The following MTUS1 variants were observed in gnomAD, a reference collection of about 807,000 sequenced individuals.
MTUS1 encodes the protein microtubule associated scaffold protein 1, also known as microtubule-associated tumor suppressor 1.
A neutral mutation model predicts 120.8 loss-of-function variants in MTUS1; 109 were observed. That is an observed-to-expected ratio of 0.90 (90% CI 0.77 to 1.06). The LOEUF is 1.06. Among genes scored for constraint, MTUS1 ranks in the 50% least tolerant of loss-of-function variants. MTUS1 has a pLI of 0.00. For missense variants in MTUS1, 2,210 were observed against 1,486.3 expected, an observed-to-expected ratio of 1.49 and a Z score of -8.01; for synonymous variants, 737 against 550.5, an observed-to-expected ratio of 1.34 and a Z score of -4.74.
chr8:17,798,315 G>C (rs907607951), intron 1 of MTUS1, among the ~76,000 whole-genome samples: 1 of 151,988 alleles, frequency 6.6e-6, no homozygotes, highest in Non-Finnish European at 1.5e-5. Flanking sequence ...AATTTGAAAA[G>C]ATTCTAATTT....
intron 12 of MTUS1, 98 bp from the exon 13 acceptor site, chr8:17,650,060 A>C (rs1806658591): frequency 1.3e-6 from 1 of 765,302 alleles, no homozygotes; most frequent in African/African-American, 1.7e-5. Context: ...ACAAGTAGCA[A>C]GCGACAGATG....
chr8:17,676,306 C>T, intron 7 of MTUS1: 2 of 703,052 alleles, frequency 2.8e-6, no homozygotes, highest in East Asian at 2.7e-5. Context: ...AATAGAGGCA[C>T]AGTTTGCTGC....
intron 3 of MTUS1, among the ~76,000 whole-genome samples, chr8:17,727,838 T>C (rs1004520902): frequency 2.6e-5 from 4 of 152,244 alleles, no homozygotes; most frequent in Admixed American, 1.3e-4. Context: ...GTTTTTATTC[T>C]GTAATTATAA....
At chr8:17,663,146 C>A (rs536240175) in intron 8 of MTUS1, among the ~76,000 whole-genome samples, 21 of 152,346 alleles carry the variant, frequency 1.4e-4, no homozygotes, top group African/African-American at 5.1e-4. Context: ...CCCAGTGCCA[C>A]AGTCAAACAT....
chr8:17,788,940 C>T (rs956040435), intron 1 of MTUS1, among the ~76,000 whole-genome samples: 3 of 152,092 alleles, frequency 2.0e-5, no homozygotes, highest in Non-Finnish European at 4.4e-5. Context: ...TTAAAAGCAC[C>T]ATCTACCCCC....
intron 6 of MTUS1, among the ~76,000 whole-genome samples, chr8:17,692,936 C>G (rs1817243707): frequency 1.3e-5 from 2 of 152,192 alleles, no homozygotes; most frequent in South Asian, 4.1e-4. Flanking sequence ...CGTACGTACA[C>G]ATGTTCCTCC....
chr8:17,726,270 G>A (rs990357657), intron 3 of MTUS1, among the ~76,000 whole-genome samples: 2 of 152,180 alleles, frequency 1.3e-5, no homozygotes, highest in Admixed American at 1.3e-4. Flanking sequence ...AAGCACTGTT[G>A]AGAATCAGGA....
intron 1 of MTUS1, among the ~76,000 whole-genome samples, chr8:17,759,147 C>A (rs897215211): frequency 4.6e-5 from 7 of 152,192 alleles, no homozygotes; most frequent in African/African-American, 1.7e-4. Context: ...TCCCAAAGTG[C>A]TGGGATTACA....
chr8:17,670,995 G>A (rs987408988), intron 8 of MTUS1, among the ~76,000 whole-genome samples: 1 of 152,138 alleles, frequency 6.6e-6, no homozygotes, highest in East Asian at 1.9e-4. Context: ...GGGGAGGGGT[G>A]TTCCACTGTG....
At chr8:17,744,801 C>G (rs1199347182) in intron 2 of MTUS1, among the ~76,000 whole-genome samples, 1 of 151,628 alleles carries the variant, frequency 6.6e-6, no homozygotes, top group Non-Finnish European at 1.5e-5. Flanking sequence ...CCTCGGCCTC[C>G]CAAAGGGCTG....
chr8:17,735,352 G>A (rs1198759501), intron 3 of MTUS1, among the ~76,000 whole-genome samples: 2 of 151,718 alleles, frequency 1.3e-5, no homozygotes, highest in African/African-American at 4.9e-5. Flanking sequence ...CAACAGAAGT[G>A]GCCAGACACT....
rs754282342 is a variant in MTUS1 at position 17,754,905 on chromosome 8, G to C, written c.903C>G (p.Val301=). The C allele has an allele frequency of 6.2e-7, 1 of 1,614,066 alleles. No individual in the cohort carries two copies. The highest frequency in any genetic ancestry group is 2.2e-5 in the East Asian group (1 of 44,888). The change falls in exon 2 of 15, where the codon GTC becomes GTG. Residue 301 remains valine (V), a synonymous_variant. Transcript: ENST00000693296. ...ACTCTTGTAATGCAGAATCATTGGGGACTTCCATGCCATCAGAAACTGGTG... is the reference window on the plus strand; with the variant it reads ...ACTCTTGTAATGCAGAATCATTGGGCACTTCCATGCCATCAGAAACTGGTG... The part of the protein sequence containing the change: ...ALTPVSDGME[V]PNDSALQEFF...
intron 7 of MTUS1, among the ~76,000 whole-genome samples, chr8:17,675,552 C>T (rs1205989732): frequency 6.6e-6 from 1 of 152,198 alleles, no homozygotes; most frequent in Non-Finnish European, 1.5e-5. Flanking sequence ...TAGAACCTTT[C>T]GGCTAATGCA....
In MTUS1 at chr8:17,674,459, C is replaced by G. The variant is rs143712057; in HGVS notation, c.2905+727G>C. On this transcript the variant is annotated intron_variant, in intron 8 of 14. Transcript: ENST00000693296. Reference sequence around the variant, plus strand: ...AGAAACAGAAAAGAGAAAAGCAAAACAAAGCAAAGGCAGTGTCGTGTCTGT... The same window carrying G: ...AGAAACAGAAAAGAGAAAAGCAAAAGAAAGCAAAGGCAGTGTCGTGTCTGT... 217 of 984,512 alleles carry G rather than the reference C, an allele frequency of 2.2e-4. No individual in the cohort carries two copies. In the East Asian group the frequency reaches 0.015, roughly 67 times the overall value. The allele number at this position is 984,512 out of a possible 1,614,324, so 61.0% of individuals were successfully genotyped here.
chr8:17,693,345 A>G (rs209973), intron 6 of MTUS1: 40,005 of 151,952 alleles, frequency 0.26, 5,685 homozygotes, highest in East Asian at 0.54. Context: ...TGACAAATTC[A>G]CTCTTTTCCT....
chr8:17,775,787 C>G (rs1305868303), intron 1 of MTUS1, among the ~76,000 whole-genome samples: 1 of 152,238 alleles, frequency 6.6e-6, no homozygotes, highest in Non-Finnish European at 1.5e-5. Flanking sequence ...GGTACAGTCT[C>G]CTGGTGAGGC....
intron 8 of MTUS1, among the ~76,000 whole-genome samples, chr8:17,667,567 T>C (rs1022896222): frequency 8.4e-4 from 128 of 152,348 alleles, no homozygotes; most frequent in African/African-American, 2.8e-3. Flanking sequence ...TTTTTGCAAG[T>C]TACTTTCCTC....
At position 17,654,397 on chromosome 8, in the gene MTUS1, G is replaced by T. The variant is rs945988319; in HGVS notation, c.3214+164C>A. 1.0e-5 allele frequency: 6 copies of T among 598,858 alleles called. 1 individual carries two copies. Among genetic ancestry groups the T allele is most frequent in the South Asian group, 6.3e-5 (3 of 47,298 alleles). 37.1% of individuals were successfully genotyped at this position (598,858 alleles called of 1,614,324 possible). The stretch of plus-strand genomic sequence containing the variant: ...TTATTTGCATCCTTAGTGGGAAAAG[G>T]CATCTGTTAACAATAAACCACGCAA... On this transcript the variant is annotated intron_variant, in intron 10 of 14. Transcript: ENST00000693296.
chr8:17,742,769 C>G (rs1017316582), intron 3 of MTUS1, among the ~76,000 whole-genome samples: 6 of 152,122 alleles, frequency 3.9e-5, no homozygotes, highest in Non-Finnish European at 5.9e-5. Flanking sequence ...TAGAGAGGTA[C>G]AGAGATCTTC....
Sources: gnomAD v4.1 joint callset for allele counts (sites outside exome capture counted in the v4.1 genomes callset) on GRCh38, gnomAD v4.1.1 for gene constraint, MANE v1.5 for transcripts, NCBI Gene and HGNC (gene_info 2026-07-23, HGNC 2026-07-21) for gene names.